AP1S1: variants seen among roughly 807,000 people sequenced by gnomAD.
The protein encoded by AP1S1 is adaptor related protein complex 1 subunit sigma 1, also known as AP-1 complex subunit sigma-1A.
In AP1S1, 13 loss-of-function variants were observed where a neutral mutation model predicts 23.9. The ratio of observed to expected loss-of-function variants is 0.54; its 90% confidence interval spans 0.35 to 0.86. The LOEUF (loss-of-function observed/expected upper bound fraction) is 0.86. Ranked by LOEUF, AP1S1 falls within the 40% of genes least tolerant of loss-of-function variation. The pLI is 0.01. For synonymous variants in AP1S1, 84 were observed against 77.7 expected, an observed-to-expected ratio of 1.08 and a Z score of -0.43; for missense variants, 119 against 197.6, an observed-to-expected ratio of 0.60 and a Z score of 2.38.
At chr7:101,156,020 G>A (rs185188934) in intron 1 of AP1S1, among the ~76,000 whole-genome samples, 5 of 152,132 alleles carry the variant, frequency 3.3e-5, no homozygotes, top group South Asian at 2.1e-4. Flanking sequence ...ACCTGAGGTC[G>A]GGAGTTCGAG....
rs2116696597 is a variant in AP1S1 at position 101,161,200 on chromosome 7, G to A, written c.*634G>A. The A allele has an allele frequency of 1.1e-5, 2 of 188,590 alleles. No individual in the cohort carries two copies. The highest frequency in any genetic ancestry group is 9.4e-5 in the South Asian group (1 of 10,626). The allele number at this position is 188,590 out of a possible 1,614,324, so 11.7% of individuals were successfully genotyped here. On this transcript the variant is annotated 3_prime_UTR_variant, in exon 5 of 5. Coordinates refer to ENST00000337619, the MANE Select transcript of AP1S1 (RefSeq NM_001283.5). ...CAGTTCTGGGTGAGGCAGGAGCTGG[G>A]AGGGGTGGGGAGGGGGAGGGGGAAG...
intron 1 of AP1S1, 63 bp downstream of exon 1, chr7:101,154,580 C>T (rs1796960002): frequency 6.5e-7 from 1 of 1,538,614 alleles, no homozygotes; most frequent in Non-Finnish European, 8.8e-7. Flanking sequence ...CTGCGGGGGT[C>T]CTCGGGGGCC....
At chr7:101,160,299 C>A (rs1171965077) in intron 4 of AP1S1, among the ~76,000 whole-genome samples, 2 of 152,226 alleles carry the variant, frequency 1.3e-5, no homozygotes, top group East Asian at 3.9e-4. Context: ...CAACCTGGAC[C>A]CCCCCTGCCA....
chr7:101,158,370 A>G (rs1797027619), intron 3 of AP1S1, among the ~76,000 whole-genome samples: 1 of 152,110 alleles, frequency 6.6e-6, no homozygotes, highest in Non-Finnish European at 1.5e-5. Context: ...ATGTTTCATG[A>G]CTTGTTTAGC....
chr7:101,161,204 G>A lies in AP1S1; in HGVS notation c.*638G>A, dbSNP rs1035880385. On this transcript the variant is annotated 3_prime_UTR_variant, in exon 5 of 5. Coordinates refer to ENST00000337619, the MANE Select transcript of AP1S1 (RefSeq NM_001283.5). ...TCTGGGTGAGGCAGGAGCTGGGAGG[G>A]GTGGGGAGGGGGAGGGGGAAGTGTC... is the stretch of plus-strand genomic sequence containing the variant. 5.3e-6 allele frequency: 1 copy of A among 188,268 alleles called. No homozygotes were observed. Among genetic ancestry groups the A allele is most frequent in the Admixed American group, 5.4e-5 (1 of 18,436 alleles). 11.7% of individuals were successfully genotyped at this position (188,268 alleles called of 1,614,324 possible).
At chr7:101,159,239 G>A (rs368309686) in intron 4 of AP1S1, 43 bp downstream of exon 4, 7 of 1,571,788 alleles carry the variant, frequency 4.5e-6, no homozygotes, top group Non-Finnish European at 6.0e-6. Context: ...AGCGCACAGT[G>A]GCGGACAGGG....
chr7:101,159,432 T>C, intron 4 of AP1S1: 2 of 540,496 alleles, frequency 3.7e-6, no homozygotes, highest in Non-Finnish European at 6.4e-6. Context: ...GCTCTGTCCT[T>C]CTCCCAAGCC....
chr7:101,156,910 C>T, intron 2 of AP1S1, 138 bp downstream of exon 2: 3 of 586,078 alleles, frequency 5.1e-6, no homozygotes, highest in Non-Finnish European at 7.4e-6. Context: ...ATGTCAGCTT[C>T]CTTTTTTTTT....
chr7:101,156,994 C>G (rs1460973775), intron 2 of AP1S1, among the ~76,000 whole-genome samples: 1 of 150,900 alleles, frequency 6.6e-6, no homozygotes, highest in Non-Finnish European at 1.5e-5. Context: ...ACACCTGCCT[C>G]ACTCACGTGT....
chr7:101,156,630 C>T lies in AP1S1; in HGVS notation c.40C>T (p.Leu14=), dbSNP rs1796995522. The change falls in exon 2 of 5, where the codon CTG becomes TTG. Residue 14 remains leucine (L), a synonymous_variant. Transcript: ENST00000337619. ...FMLLFSRQGK[L]RLQKWYLATS... is the part of the protein sequence containing the mutation. ...GCTATTATTCAGCCGGCAGGGAAAA[C>T]TGCGGCTGCAAAAATGGTACCTGGC... is the stretch of plus-strand genomic sequence containing the variant. 6.2e-7 allele frequency: 1 copy of T among 1,612,568 alleles called. No homozygotes were observed.
At chr7:101,158,729 C>T (rs1797035574) in intron 3 of AP1S1, among the ~76,000 whole-genome samples, 1 of 152,088 alleles carries the variant, frequency 6.6e-6, no homozygotes, top group Admixed American at 6.5e-5. Context: ...TGGCAAGACC[C>T]TATCTCTACA....
intron 4 of AP1S1, among the ~76,000 whole-genome samples, chr7:101,160,097 G>A (rs1797071355): frequency 6.6e-6 from 1 of 151,942 alleles, no homozygotes; most frequent in Non-Finnish European, 1.5e-5. Context: ...CCTTCCCTCA[G>A]GGACCTGGCA....
Position 101,159,193 on chromosome 7 carries a change from A to G in AP1S1, c.426A>G (p.Gln142=), listed in dbSNP as rs200415338. ...LKAIEQADLL[Q]EEDESPRSVL... ...CCATCGAGCAGGCTGACCTACTGCA[A>G]GAGGTACGGGCCAGGGACAGTGAGG... Residue 142 remains glutamine (Q), a synonymous_variant, in exon 4 of 5, where the codon CAA becomes CAG. Coordinates refer to ENST00000337619, the MANE Select transcript of AP1S1 (RefSeq NM_001283.5). 6.3e-5 allele frequency: 102 copies of G among 1,610,536 alleles called. No individual in the cohort carries two copies. The highest frequency in any genetic ancestry group is 8.4e-5 in the Non-Finnish European group (99 of 1,178,510).
At position 101,159,082 on chromosome 7, in the gene AP1S1, C is replaced by T; in HGVS notation, c.315C>T (p.Phe105=). Residue 105 remains phenylalanine, a synonymous_variant, in exon 4 of 5, where the codon TTC becomes TTT. Coordinates refer to ENST00000337619, the MANE Select transcript of AP1S1 (RefSeq NM_001283.5). The part of the protein sequence containing the change: ...FGSVCELDII[F]NFEKAYFILD... ...AGGTGTGCGAGCTGGACATCATCTT[C>T]AACTTTGAGAAGGCCTACTTCATCC... is the stretch of plus-strand genomic sequence containing the variant. 1.9e-6 allele frequency: 3 copies of T among 1,613,804 alleles called. No individual in the cohort carries two copies. The highest frequency in any genetic ancestry group is 2.5e-6 in the Non-Finnish European group (3 of 1,179,838).
chr7:101,156,551 G>A (rs757118468), intron 1 of AP1S1, 43 bp from the exon 2 acceptor site: 4 of 1,573,560 alleles, frequency 2.5e-6, no homozygotes, highest in Non-Finnish European at 3.5e-6. Flanking sequence ...TAAGTTTGGG[G>A]AATGTGTGGT....
intron 4 of AP1S1, among the ~76,000 whole-genome samples, chr7:101,159,818 G>A (rs1459700147): frequency 6.6e-6 from 1 of 151,782 alleles, no homozygotes; most frequent in Non-Finnish European, 1.5e-5. Context: ...TGAGTCACCG[G>A]AATCTGCAGT....
intron 1 of AP1S1, chr7:101,154,839 A>T: frequency 1.2e-6 from 1 of 827,014 alleles, no homozygotes; most frequent in Non-Finnish European, 1.7e-6. Flanking sequence ...CGCCCGAAGC[A>T]GAGGGTTGCG....
At chr7:101,159,263 G>C (rs938268084) in intron 4 of AP1S1, 67 bp downstream of exon 4, 23 of 1,546,444 alleles carry the variant, frequency 1.5e-5, no homozygotes, top group Non-Finnish European at 1.7e-5. Context: ...TCCCTCCCCT[G>C]GACACCCGGC....
chr7:101,157,071 C>T (rs539596356), intron 2 of AP1S1, among the ~76,000 whole-genome samples: 1 of 152,278 alleles, frequency 6.6e-6, no homozygotes, highest in South Asian at 2.1e-4. Context: ...CCTACTTTTC[C>T]TAACACACAC....
Sources: allele counts gnomAD v4.1 joint callset (sites outside exome capture counted in the v4.1 genomes callset), GRCh38; gene constraint gnomAD v4.1.1; transcripts MANE v1.5; gene names NCBI Gene and HGNC (gene_info 2026-07-23, HGNC 2026-07-21).